LIPA: variants seen among roughly 807,000 people sequenced by gnomAD.
LIPA encodes the protein lysosomal acid lipase/cholesteryl ester hydrolase.
Under a neutral mutation model 40.6 loss-of-function variants are expected in LIPA, and 26 were observed. The ratio of observed to expected loss-of-function variants is 0.64; its 90% CI spans 0.47 to 0.89. The LOEUF (loss-of-function observed/expected upper bound fraction) is 0.89. Among genes scored for constraint, LIPA ranks in the 40% least tolerant of loss-of-function variants. LIPA has a pLI of 0.00. For missense variants in LIPA, 455 were observed against 479.6 expected, an observed-to-expected ratio of 0.95 and a Z score of 0.48; for synonymous variants, 188 against 168.4, an observed-to-expected ratio of 1.12 and a Z score of -0.90.
chr10:89,375,942 T>G (rs1241882437), intron 2 of LIPA, among the ~76,000 whole-genome samples: 2 of 152,026 alleles, frequency 1.3e-5, no homozygotes, highest in Non-Finnish European at 2.9e-5. Flanking sequence ...AATCCCACAC[T>G]TTAGGAGGCC....
chr10:89,372,036 C>T (rs145179416), intron 2 of LIPA, among the ~76,000 whole-genome samples: 2 of 152,298 alleles, frequency 1.3e-5, no homozygotes, highest in East Asian at 3.9e-4. Context: ...GGGAACAACA[C>T]AAATATGGGA....
intron 1 of LIPA, chr10:89,292,163 G>T (rs1369714994): frequency 1.3e-5 from 2 of 152,198 alleles, no homozygotes; most frequent in Admixed American, 1.3e-4. Context: ...GCGGCTAGGT[G>T]TATACTAATT....
intron 8 of LIPA, among the ~76,000 whole-genome samples, chr10:89,218,992 AT>A (rs1842662750): frequency 6.6e-6 from 1 of 152,212 alleles, no homozygotes; most frequent in Non-Finnish European, 1.5e-5. Context: ...AAACTGTAAG[AT>A]TATACCAAAA....
At chr10:89,388,414 T>A (rs1180986983) in intron 2 of LIPA, among the ~76,000 whole-genome samples, 1 of 152,186 alleles carries the variant, frequency 6.6e-6, no homozygotes, top group Admixed American at 6.5e-5. Context: ...CCGAAAAAAA[T>A]TCTTAAACTC....
At chr10:89,298,421 G>A (rs569409121) in intron 1 of LIPA, among the ~76,000 whole-genome samples, 116 of 152,262 alleles carry the variant, frequency 7.6e-4, no homozygotes, top group African/African-American at 2.6e-3. Flanking sequence ...ACTGATCACA[G>A]CCAAATAAAT....
chr10:89,214,803 G>T lies in LIPA; in HGVS notation c.*25C>A. On this transcript the variant is annotated 3_prime_UTR_variant, in exon 10 of 10. Transcript: ENST00000336233. ...TTCACATGACATAATCATTGACTTG[G>T]TGGTACACAGCTCAAGTCCAGCTTT... 7.7e-7 allele frequency: 1 copy of T among 1,293,510 alleles called. No individual in the cohort carries two copies. The highest frequency in any genetic ancestry group is 1.1e-6 in the Non-Finnish European group (1 of 888,394). The allele number at this position is 1,293,510 out of a possible 1,614,324, so 80.1% of individuals were successfully genotyped here. A position where few individuals can be genotyped will look rare whatever the true frequency, so the allele number is the denominator to read the frequency against.
At chr10:89,282,893 C>T (rs1366252621) in intron 1 of LIPA, among the ~76,000 whole-genome samples, 1 of 152,202 alleles carries the variant, frequency 6.6e-6, no homozygotes, top group African/African-American at 2.4e-5. Flanking sequence ...ATTGGGCAGA[C>T]CTGGACTTCT....
intron 1 of LIPA, among the ~76,000 whole-genome samples, chr10:89,268,321 A>C (rs1040878306): frequency 6.6e-6 from 1 of 152,212 alleles, no homozygotes; most frequent in Non-Finnish European, 1.5e-5. Flanking sequence ...GGGACATCTC[A>C]AATTTTGGAT....
rs140195774 is a variant in LIPA at position 89,214,778 on chromosome 10, T to G, written c.*50A>C. 3.5e-6 allele frequency: 4 copies of G among 1,151,130 alleles called. No individual in the cohort carries two copies. In the East Asian group the frequency reaches 7.1e-5, roughly 20 times the overall value. 71.3% of individuals were successfully genotyped at this position (1,151,130 alleles called of 1,614,324 possible). On this transcript the variant is annotated 3_prime_UTR_variant, in exon 10 of 10. Transcript: ENST00000336233. Reference sequence around the variant, plus strand: ...TTTACAGAAATGAAGCAAACACATTTTCACATGACATAATCATTGACTTGG... The same window carrying G: ...TTTACAGAAATGAAGCAAACACATTGTCACATGACATAATCATTGACTTGG...
In LIPA at chr10:89,339,709, G is replaced by C. The variant is rs140549288; in HGVS notation, c.-2+2902C>G. ...TTATCAGACACCATTCAATAAGGAA[G>C]TCCCTGATGCTGAAAAGCAACAATC... On this transcript the variant is annotated intron_variant, in intron 1 of 5. Transcript: ENST00000282673. 7.4e-3 allele frequency: 12,018 copies of C among 1,614,186 alleles called. 66 individuals carry two copies. Among genetic ancestry groups the C allele is most frequent in the Middle Eastern group, 0.037 (227 of 6,062 alleles).
intron 2 of LIPA, among the ~76,000 whole-genome samples, chr10:89,397,694 T>G (rs1844365069): frequency 6.6e-6 from 1 of 152,136 alleles, no homozygotes; most frequent in East Asian, 1.9e-4. Context: ...TTTTTTCATA[T>G]TTATTGGCCA....
intron 2 of LIPA, among the ~76,000 whole-genome samples, chr10:89,376,106 T>G (rs1371383185): frequency 2.0e-5 from 3 of 149,590 alleles, no homozygotes; most frequent in African/African-American, 7.4e-5. Flanking sequence ...GAGAATCACT[T>G]GAACCTGGGA....
chr10:89,247,643 T>A lies in LIPA; in HGVS notation c.6A>T (p.Lys2Asn), dbSNP rs138408240. 65 of 1,599,994 alleles carry A rather than the reference T, an allele frequency of 4.1e-5. No individual in the cohort carries two copies. The highest frequency in any genetic ancestry group is 3.3e-4 in the Middle Eastern group (2 of 6,068). The change falls in exon 2 of 10, where the codon AAA becomes AAT. Residue 2 changes from lysine to asparagine, a missense_variant. Coordinates refer to ENST00000336233, the MANE Select transcript of LIPA (RefSeq NM_000235.4). MKMRFLGLVVCL... is the reference protein window; with the variant it reads MNMRFLGLVVCL... Reference sequence around the variant, plus strand: ...AGACCACCAACCCCAAGAACCGCATTTTCATTCTGTATAATAAAACAGTCT... The same window carrying A: ...AGACCACCAACCCCAAGAACCGCATATTCATTCTGTATAATAAAACAGTCT...
intron 1 of LIPA, among the ~76,000 whole-genome samples, chr10:89,281,741 G>C (rs113003059): frequency 3.9e-5 from 6 of 152,332 alleles, no homozygotes; most frequent in African/African-American, 1.4e-4. Flanking sequence ...AACCAGTTTA[G>C]GTCATAAATG....
intron 1 of LIPA, among the ~76,000 whole-genome samples, chr10:89,272,771 G>A (rs1455066215): frequency 2.0e-5 from 3 of 152,220 alleles, no homozygotes; most frequent in African/African-American, 7.2e-5. Flanking sequence ...ATTTTTGGAC[G>A]TTTTATTAAC....
At chr10:89,239,891 G>A (rs1194113783) in intron 3 of LIPA, among the ~76,000 whole-genome samples, 1 of 152,150 alleles carries the variant, frequency 6.6e-6, no homozygotes, top group African/African-American at 2.4e-5. Context: ...TGTGACAAAT[G>A]TGCCCATCAT....
At position 89,281,065 on chromosome 10, in the gene LIPA, A is replaced by C. The variant is rs1204956670; in HGVS notation, c.-1-33416T>G. 2.0e-5 allele frequency among the ~76,000 whole-genome samples: 3 copies of C among 152,252 alleles called. No individual in the cohort carries two copies. In the East Asian group the frequency reaches 5.8e-4, roughly 29 times the overall value. On this transcript the variant is annotated intron_variant, in intron 1 of 5. Coordinates refer to the LIPA transcript ENST00000282673. ...TTGGTTTTAAAAACAGTGGCTATTT[A>C]TGATTTTAAAAAGAAGGCAAATATT...
In LIPA at chr10:89,214,824, G is replaced by C; in HGVS notation, c.*4C>G. ...CTTGGTGGTACACAGCTCAAGTCCA[G>C]CTTTCACTGATATTTCCTCATTAGA... On this transcript the variant is annotated 3_prime_UTR_variant, in exon 10 of 10. Coordinates refer to ENST00000336233, the MANE Select transcript of LIPA (RefSeq NM_000235.4). 6 of 1,526,096 alleles carry C rather than the reference G, an allele frequency of 3.9e-6. 1 individual carries two copies. The highest frequency in any genetic ancestry group is 1.1e-5 in the South Asian group (1 of 89,114). 94.5% of individuals were successfully genotyped at this position (1,526,096 alleles called of 1,614,324 possible).
chr10:89,387,497 A>G (rs1327782420), intron 2 of LIPA, among the ~76,000 whole-genome samples: 1 of 152,164 alleles, frequency 6.6e-6, no homozygotes. Context: ...ATTGGAGGGT[A>G]TATAAAACTT....
Sources: allele counts gnomAD v4.1 joint callset (sites outside exome capture counted in the v4.1 genomes callset), GRCh38; gene constraint gnomAD v4.1.1; transcripts MANE v1.5; gene names NCBI Gene and HGNC (gene_info 2026-07-23, HGNC 2026-07-21).